The following CIT variants were observed in gnomAD, a reference collection of about 807,000 sequenced individuals.
CIT encodes the protein citron Rho-interacting kinase.
CIT carries 79 observed loss-of-function variants against 272.7 expected under a neutral mutation model. The ratio of observed to expected loss-of-function variants is 0.29; its 90% CI spans 0.24 to 0.35. CIT has a LOEUF of 0.35. CIT is among the 10% of genes least tolerant of loss of function. The probability of loss-of-function intolerance (pLI) is 1.00; values close to 1 mark genes in which losing one functional copy is unlikely to be tolerated. For synonymous variants in CIT, 948 were observed against 995.6 expected (o/e 0.95, Z 0.90); for missense variants, 1,909 against 2,618.3 (o/e 0.73, Z 5.91).
intron 26 of CIT, 94 bp from the exon 27 acceptor site, chr12:119,730,724 A>C: frequency 7.3e-7 from 1 of 1,367,364 alleles, no homozygotes; most frequent in Non-Finnish European, 1.0e-6. Flanking sequence ...CGAGCAACTA[A>C]ACAGGCTGCA....
Position 119,718,567 on chromosome 12 carries a change from T to C in CIT, c.4003+132A>G, listed in dbSNP as rs1188886170. The C allele has an allele frequency of 2.0e-5, 28 of 1,404,584 alleles. No individual in the cohort carries two copies. The highest frequency in any genetic ancestry group is 7.1e-5 in the African/African-American group (5 of 69,966). 87.0% of individuals were successfully genotyped at this position (1,404,584 alleles called of 1,614,324 possible). ...ACAGGGGCCATACGTTTTTCAGACA[T>C]GGGATGTCTGGTCTGAAAGCGTATG... On this transcript the variant is annotated intron_variant, in intron 31 of 47. Coordinates refer to ENST00000392521, the MANE Select transcript of CIT (RefSeq NM_001206999.2). The surrounding 1 kb of genome is among the most constrained non-coding windows in gnomAD (Gnocchi z 4.8).
chr12:119,761,519 C>T (rs1301420782), intron 19 of CIT, among the ~76,000 whole-genome samples: 1 of 152,120 alleles, frequency 6.6e-6, no homozygotes, highest in Admixed American at 6.6e-5. Context: ...TCTAGATACT[C>T]CTGGGCTGTG....
intron 24 of CIT, among the ~76,000 whole-genome samples, chr12:119,741,499 C>A (rs78023419): frequency 6.6e-5 from 10 of 152,108 alleles, no homozygotes; most frequent in African/African-American, 2.4e-4. Context: ...TTACTAGATA[C>A]ATTTTATATC....
chr12:119,708,883 G>C (rs993706227), intron 39 of CIT, among the ~76,000 whole-genome samples: 1 of 152,188 alleles, frequency 6.6e-6, no homozygotes, highest in Non-Finnish European at 1.5e-5. Flanking sequence ...TGGAGAATGT[G>C]AACTGTACTT....
chr12:119,863,056 G>T (rs143514032), intron 3 of CIT, among the ~76,000 whole-genome samples: 175 of 149,752 alleles, frequency 1.2e-3, no homozygotes, highest in Non-Finnish European at 2.1e-3. Flanking sequence ...ACAAAAATTA[G>T]CCTGGCATGG....
At chr12:119,817,142 T>TA (rs752300321) in intron 9 of CIT, among the ~76,000 whole-genome samples, 2 of 152,048 alleles carry the variant, frequency 1.3e-5, no homozygotes, top group Non-Finnish European at 2.9e-5. Flanking sequence ...TGGGGAGAGT[T>TA]ATAGGTTAGC....
chr12:119,867,453 G>A (rs1775602804), intron 3 of CIT, among the ~76,000 whole-genome samples: 2 of 152,170 alleles, frequency 1.3e-5, no homozygotes, highest in South Asian at 2.1e-4. Flanking sequence ...CTCCCAAAGC[G>A]CTGGGCTTAC....
At chr12:119,818,744 G>T (rs1041998632) in intron 9 of CIT, among the ~76,000 whole-genome samples, 1 of 152,160 alleles carries the variant, frequency 6.6e-6, no homozygotes, top group Admixed American at 6.5e-5. Context: ...GTTCTCTAGC[G>T]CATTAGCCAT....
In CIT at chr12:119,697,593, C is replaced by A; in HGVS notation, c.5882+66G>T. ...GGGAAACATTCTACTGGTTTAGTAT[C>A]ACTTCCTTCTGCCTTGCAGAAAAGC... is the stretch of plus-strand genomic sequence containing the variant. On this transcript the variant is annotated intron_variant, in intron 46 of 47. Transcript: ENST00000392521. This position sits in a 1 kb window ranked among gnomAD's most constrained non-coding sequence, Gnocchi z 4.9. 1 of 1,483,982 alleles carries A rather than the reference C, an allele frequency of 6.7e-7. No homozygotes were observed. The highest frequency in any genetic ancestry group is 1.2e-5 in the South Asian group (1 of 80,896). The allele number at this position is 1,483,982 out of a possible 1,614,324, so 91.9% of individuals were successfully genotyped here.
rs893742095 is a variant in CIT, at chr12:119,804,904, G to C, written c.1112-1515C>G. Among the ~76,000 whole-genome samples, 3 of 152,158 alleles carry C rather than the reference G, an allele frequency of 2.0e-5. No homozygotes were observed. Among genetic ancestry groups the C allele is most frequent in the African/African-American group, 7.2e-5 (3 of 41,432 alleles). ...TTATTTAACACCTCCAGTCTCTCAA[G>C]AGAATTTAAATCTTCCCTGTTAGTG... On this transcript the variant is annotated intron_variant, in intron 9 of 47. Coordinates refer to ENST00000392521, the MANE Select transcript of CIT (RefSeq NM_001206999.2). This position sits in a 1 kb window ranked among gnomAD's most constrained non-coding sequence, Gnocchi z 5.3.
chr12:119,797,318 A>T (rs1450453035), intron 10 of CIT, among the ~76,000 whole-genome samples: 1 of 152,236 alleles, frequency 6.6e-6, no homozygotes, highest in African/African-American at 2.4e-5. Context: ...AGGCGGTGGA[A>T]TGGTCCTGCC....
In CIT at chr12:119,857,459, A is replaced by G. The variant is rs1003660422; in HGVS notation, c.414+64T>C. 11 of 1,523,842 alleles carry G rather than the reference A, an allele frequency of 7.2e-6. No homozygotes were observed. In the African/African-American group the frequency reaches 1.1e-4, roughly 15 times the overall value. The allele number at this position is 1,523,842 out of a possible 1,614,324, so 94.4% of individuals were successfully genotyped here. On this transcript the variant is annotated intron_variant, in intron 4 of 47. Transcript: ENST00000392521. ...ATCCTAGACGCCAGTGCAGCAGATTATCGTCTTTGCAATGAACACTCCGGT... is the reference window on the plus strand; with the variant it reads ...ATCCTAGACGCCAGTGCAGCAGATTGTCGTCTTTGCAATGAACACTCCGGT...
At chr12:119,841,909 G>A (rs542120823) in intron 5 of CIT, among the ~76,000 whole-genome samples, 18 of 152,288 alleles carry the variant, frequency 1.2e-4, no homozygotes, top group Non-Finnish European at 2.2e-4. Context: ...CTTTGATACA[G>A]CAGCTAAGCA....
intron 21 of CIT, among the ~76,000 whole-genome samples, chr12:119,758,273 TCTTA>T (rs1412444925): frequency 1.3e-5 from 2 of 152,186 alleles, no homozygotes; most frequent in Admixed American, 1.3e-4. Flanking sequence ...CAATTTCACC[TCTTA>T]CTAATTACAG....
Position 119,718,944 on chromosome 12 carries a change from C to A in CIT, c.3841-83G>T. 7.2e-7 allele frequency: 1 copy of A among 1,395,064 alleles called. No homozygotes were observed. Among genetic ancestry groups the A allele is most frequent in the Non-Finnish European group, 1.0e-6 (1 of 999,108 alleles). 86.4% of individuals were successfully genotyped at this position (1,395,064 alleles called of 1,614,324 possible). ...TAAAGGAAATCTGACTCGGGAGGAGCAAACCACAAAAGCCAGGAGCATACT... is the reference window on the plus strand; with the variant it reads ...TAAAGGAAATCTGACTCGGGAGGAGAAAACCACAAAAGCCAGGAGCATACT... On this transcript the variant is annotated intron_variant, in intron 30 of 47. Coordinates refer to ENST00000392521, the MANE Select transcript of CIT (RefSeq NM_001206999.2). The surrounding 1 kb of genome is among the most constrained non-coding windows in gnomAD (Gnocchi z 4.8).
chr12:119,790,383 G>C lies in CIT; in HGVS notation c.1296-5318C>G, dbSNP rs573667587. Among the ~76,000 whole-genome samples the C allele has an allele frequency of 2.6e-5, 4 of 152,216 alleles. No homozygotes were observed. The East Asian group carries it at 7.7e-4, about 29-fold the overall frequency. ...GCAAGAAAAATCCTCTAACTGGTTGGAACTCTAAAATGATGGGCAATGGGG... is the reference window on the plus strand; with the variant it reads ...GCAAGAAAAATCCTCTAACTGGTTGCAACTCTAAAATGATGGGCAATGGGG... On this transcript the variant is annotated intron_variant, in intron 10 of 47. Transcript: ENST00000392521.
rs975331351 is a variant in CIT at position 119,728,833 on chromosome 12, T to G, written c.3487-227A>C. The stretch of plus-strand genomic sequence containing the variant: ...CTAAGGGATGGCTCTTAAATATGGC[T>G]GTGACAAGTTCTAGGAGGATAACTG... On this transcript the variant is annotated intron_variant, in intron 27 of 47. Transcript: ENST00000392521. The surrounding 1 kb of genome is among the most constrained non-coding windows in gnomAD (Gnocchi z 4.3). Among the ~76,000 whole-genome samples, 3 of 152,240 alleles carry G rather than the reference T, an allele frequency of 2.0e-5. No individual in the cohort carries two copies. Among genetic ancestry groups the G allele is most frequent in the Non-Finnish European group, 2.9e-5 (2 of 68,044 alleles).
chr12:119,815,795 T>C (rs1967128609), intron 9 of CIT, among the ~76,000 whole-genome samples: 1 of 152,106 alleles, frequency 6.6e-6, no homozygotes, highest in Non-Finnish European at 1.5e-5. Context: ...GAGCATAGAA[T>C]ATTCTGGAAA....
intron 10 of CIT, among the ~76,000 whole-genome samples, chr12:119,792,887 G>C (rs1257579214): frequency 1.3e-5 from 2 of 151,986 alleles, no homozygotes; most frequent in African/African-American, 4.8e-5. Flanking sequence ...GCTTGAACCT[G>C]GGAGGCGGAG....
Sources: allele counts gnomAD v4.1 joint callset (sites outside exome capture counted in the v4.1 genomes callset), GRCh38; gene constraint gnomAD v4.1.1; non-coding constraint Gnocchi (gnomAD v3.1); transcripts MANE v1.5; gene names NCBI Gene and HGNC (gene_info 2026-07-23, HGNC 2026-07-21).